The following CCDC18 variants were observed in gnomAD, a reference collection of about 807,000 sequenced individuals.
CCDC18 encodes coiled-coil domain containing 18.
In CCDC18, 157 loss-of-function variants were observed where a neutral mutation model predicts 196.0. That is an observed-to-expected ratio of 0.80 (90% CI 0.70 to 0.91). CCDC18 has a LOEUF of 0.91. CCDC18 is among the 40% of genes least tolerant of loss of function. The probability of loss-of-function intolerance (pLI) is 0.00; values close to 1 mark genes in which losing one functional copy is unlikely to be tolerated. For synonymous variants in CCDC18, 482 were observed against 529.2 expected (o/e 0.91, Z 1.22); for missense variants, 1,465 against 1,611.6 (o/e 0.91, Z 1.56).
intron 6 of CCDC18, among the ~76,000 whole-genome samples, chr1:93,200,546 G>A (rs1051563423): frequency 3.3e-5 from 5 of 152,142 alleles, no homozygotes; most frequent in Admixed American, 6.5e-5. Flanking sequence ...GTGGGTGTAG[G>A]TTAACATGAA....
chr1:93,196,986 A>G (rs920719288), intron 6 of CCDC18, among the ~76,000 whole-genome samples: 4 of 152,234 alleles, frequency 2.6e-5, no homozygotes, highest in African/African-American at 7.2e-5. Flanking sequence ...ACTGAGTGAT[A>G]TAAAAAATGC....
intron 5 of CCDC18, among the ~76,000 whole-genome samples, chr1:93,192,490 T>C (rs2101652959): frequency 6.6e-6 from 1 of 152,338 alleles, no homozygotes; most frequent in East Asian, 1.9e-4. Flanking sequence ...TGGAGTGCAG[T>C]GGTACAGTAT....
chr1:93,261,886 G>A (rs978705631), intron 26 of CCDC18, among the ~76,000 whole-genome samples: 23 of 152,018 alleles, frequency 1.5e-4, no homozygotes, highest in Non-Finnish European at 1.9e-4. Flanking sequence ...AGAAATACCT[G>A]AGATTGGGTA....
intron 6 of CCDC18, among the ~76,000 whole-genome samples, chr1:93,200,309 C>T (rs1653607639): frequency 6.9e-6 from 1 of 145,194 alleles, no homozygotes; most frequent in Non-Finnish European, 1.5e-5. Context: ...AATGTGAAAA[C>T]ATGGTAAGAC....
rs1172354895 is a variant in CCDC18, at chr1:93,236,369, T to C, written c.2582T>C (p.Ile861Thr). The C allele has an allele frequency of 2.5e-6, 4 of 1,594,292 alleles. No homozygotes were observed. Among genetic ancestry groups the C allele is most frequent in the East Asian group, 2.3e-5 (1 of 43,484 alleles). ...HEADLKRQKV[I>T]ELTGTARQVK... is the part of the protein sequence containing the mutation. ...GCAGATTTGAAAAGGCAAAAAGTGATTGAGCTTACTGGCACTGCCAGGTAA... is the reference window on the plus strand; with the variant it reads ...GCAGATTTGAAAAGGCAAAAAGTGACTGAGCTTACTGGCACTGCCAGGTAA... The change falls in exon 19 of 29, where the codon ATT becomes ACT. Residue 861 changes from isoleucine (I) to threonine (T), a missense_variant. Coordinates refer to ENST00000690025, the MANE Select transcript of CCDC18 (RefSeq NM_001378204.1).
intron 23 of CCDC18, among the ~76,000 whole-genome samples, chr1:93,248,837 G>C (rs1415602399): frequency 6.6e-6 from 1 of 151,962 alleles, no homozygotes. Flanking sequence ...GCCAGGTGTA[G>C]TGGCATGTGC....
At chr1:93,240,138 T>G (rs752873177) in intron 21 of CCDC18, among the ~76,000 whole-genome samples, 3 of 152,186 alleles carry the variant, frequency 2.0e-5, no homozygotes, top group Non-Finnish European at 2.9e-5. Flanking sequence ...TCATTGGGCA[T>G]GCATACAGCA....
chr1:93,204,650 C>G (rs1439350144), intron 7 of CCDC18, among the ~76,000 whole-genome samples: 3 of 152,136 alleles, frequency 2.0e-5, no homozygotes, highest in Non-Finnish European at 4.4e-5. Context: ...AGGAGAAAGT[C>G]TGCAGTTGAT....
chr1:93,197,901 A>T (rs61799471), intron 6 of CCDC18, among the ~76,000 whole-genome samples: 1 of 151,388 alleles, frequency 6.6e-6, no homozygotes, highest in Non-Finnish European at 1.5e-5. Flanking sequence ...ACAGGCGCCC[A>T]CCACCATGCC....
At chr1:93,267,247 CT>C (rs1390451162) in intron 27 of CCDC18, among the ~76,000 whole-genome samples, 1 of 152,142 alleles carries the variant, frequency 6.6e-6, no homozygotes, top group Non-Finnish European at 1.5e-5. Flanking sequence ...TTCAACAGCC[CT>C]TCATGCTAAA....
At chr1:93,221,289 C>CTGTT (rs34507895) in intron 14 of CCDC18, among the ~76,000 whole-genome samples, 76,440 of 151,622 alleles carry the variant, frequency 0.5, 22,857 homozygotes, top group African/African-American at 0.85. Flanking sequence ...TCTCCAGCAT[C>CTGTT]TGTTTTTTGA....
At chr1:93,274,664 C>T (rs980585638) in intron 28 of CCDC18, among the ~76,000 whole-genome samples, 11 of 151,578 alleles carry the variant, frequency 7.3e-5, no homozygotes, top group South Asian at 2.1e-4. Context: ...GGCAACATAG[C>T]AAGACCCGAT....
chr1:93,191,971 G>A, intron 4 of CCDC18, 29 bp from the exon 5 acceptor site: 1 of 1,471,970 alleles, frequency 6.8e-7, no homozygotes, highest in Non-Finnish European at 9.4e-7. Context: ...TTTTCTGAAA[G>A]TACTATAAAA....
chr1:93,197,213 A>T (rs1652869527), intron 6 of CCDC18, among the ~76,000 whole-genome samples: 1 of 152,180 alleles, frequency 6.6e-6, no homozygotes. Context: ...GAAAACAGTG[A>T]AACAATATAA....
At chr1:93,225,776 C>CA (rs34857910) in intron 16 of CCDC18, among the ~76,000 whole-genome samples, 15,911 of 130,292 alleles carry the variant, frequency 0.12, 1,024 homozygotes, top group East Asian at 0.3. Flanking sequence ...GACTTTGTCT[C>CA]AAAAAAAAAA....
rs2100834616 is a variant in CCDC18, at chr1:93,239,974, ACGTCTAAATTTCTCAAC to A, written c.2981+79_2981+95del. 2.9e-6 allele frequency: 3 copies of A among 1,032,610 alleles called. No individual in the cohort carries two copies. In the East Asian group the frequency reaches 7.6e-5, roughly 26 times the overall value. 64.0% of individuals were successfully genotyped at this position (1,032,610 alleles called of 1,614,324 possible). On this transcript the variant is annotated intron_variant, in intron 21 of 28. Transcript: ENST00000690025. ...AATAAAATATGTTGTTGCATTCTAG[ACGTCTAAATTTCTCAAC>A]TGTCTTTGGCTCACTTTGGCTCATC...
intron 23 of CCDC18, among the ~76,000 whole-genome samples, chr1:93,254,227 G>T (rs760629493): frequency 5.3e-5 from 8 of 152,150 alleles, no homozygotes; most frequent in Non-Finnish European, 1.2e-4. Context: ...TAGTGGTGAA[G>T]TCTGAGAGGG....
intron 4 of CCDC18, among the ~76,000 whole-genome samples, chr1:93,188,652 T>C (rs1002573236): frequency 7.2e-5 from 11 of 152,192 alleles, no homozygotes; most frequent in Non-Finnish European, 1.3e-4. Context: ...TTCCCCCCAT[T>C]TGTTTGTTTT....
chr1:93,240,001 C>A, intron 21 of CCDC18, 105 bp downstream of exon 21: 2 of 776,660 alleles, frequency 2.6e-6, no homozygotes, highest in Middle Eastern at 7.5e-4. Context: ...CTGTCTTTGG[C>A]TCACTTTGGC....
Sources: gnomAD v4.1 joint callset for allele counts (sites outside exome capture counted in the v4.1 genomes callset) on GRCh38, gnomAD v4.1.1 for gene constraint, MANE v1.5 for transcripts, NCBI Gene and HGNC (gene_info 2026-07-23, HGNC 2026-07-21) for gene names.